The following TMEM271 variants were observed in gnomAD, a reference collection of about 807,000 sequenced individuals.
TMEM271 encodes the protein transmembrane protein 271.
At position 575,183 on chromosome 4, in the gene TMEM271, G is replaced by A. The variant is rs1040811695; in HGVS notation, c.880C>T (p.Arg294Trp). Residue 294 changes from arginine to tryptophan, a missense_variant, in exon 1 of 1, where the codon CGG becomes TGG. Arg to Trp is a moderately radical substitution (Grantham distance 101). Coordinates refer to ENST00000610212, the MANE Select transcript of TMEM271 (RefSeq NM_001362796.2). ...RGRRGRRLQQ[R>W]PSEASILSPE... ...GACAGGATGGAGGCCTCGCTCGGCC[G>A]CTGCTGCAGCCGCCGCCCCCGCCGG... 5 of 385,436 alleles carry A rather than the reference G, an allele frequency of 1.3e-5. No individual in the cohort carries two copies. The highest frequency in any genetic ancestry group is 8.4e-5 in the African/African-American group (4 of 47,632). The allele number at this position is 385,436 out of a possible 1,614,324, so 23.9% of individuals were successfully genotyped here. A position where few individuals can be genotyped will look rare whatever the true frequency, so the allele number is the denominator to read the frequency against.
chr4:575,528 G>T lies in TMEM271; in HGVS notation c.535C>A (p.Pro179Thr). 2 of 315,454 alleles carry T rather than the reference G, an allele frequency of 6.3e-6. No individual in the cohort carries two copies. The highest frequency in any genetic ancestry group is 5.1e-5 in the Admixed American group (1 of 19,626). 19.5% of individuals were successfully genotyped at this position (315,454 alleles called of 1,614,324 possible). Residue 179 changes from proline (P) to threonine (T), a missense_variant, in exon 1 of 1, where the codon CCG becomes ACG. Pro to Thr is a conservative substitution (Grantham distance 38). Transcript: ENST00000610212. ...SAPGSTPGSAPGSAPGSAPGS... is the reference protein window; with the variant it reads ...SAPGSTPGSATGSAPGSAPGS... The stretch of plus-strand genomic sequence containing the variant: ...GGCGCCGAGCCGGGGGCCGAGCCCG[G>T]GGCCGAGCCGGGGGTTGAGCCCGGG...
chr4:574,810 C>A lies in TMEM271; in HGVS notation c.*95G>T. ...CTGAGGCCTGGCCCTGGACCCCGCC[C>A]CGCTGCCCGTCCTCCCTTGCCGCGG... On this transcript the variant is annotated 3_prime_UTR_variant, in exon 1 of 1. Coordinates refer to ENST00000610212, the MANE Select transcript of TMEM271 (RefSeq NM_001362796.2). 1 of 393,104 alleles carries A rather than the reference C, an allele frequency of 2.5e-6. No homozygotes were observed. Among genetic ancestry groups the A allele is most frequent in the Non-Finnish European group, 4.5e-6 (1 of 222,730 alleles). The allele number at this position is 393,104 out of a possible 1,614,324, so 24.4% of individuals were successfully genotyped here.
chr4:575,463 C>A lies in TMEM271; in HGVS notation c.600G>T (p.Leu200=). 3.7e-6 allele frequency: 1 copy of A among 267,716 alleles called. No homozygotes were observed. The highest frequency in any genetic ancestry group is 6.2e-5 in the East Asian group (1 of 16,052). The allele number at this position is 267,716 out of a possible 1,614,324, so 16.6% of individuals were successfully genotyped here. A position where few individuals can be genotyped will look rare whatever the true frequency, so the allele number is the denominator to read the frequency against. Reference sequence around the variant, plus strand: ...GGCACTTGGCGGACGTGGCGCTGTCCAGGGTGCTGCGAGCGCGCGGGGCGC... The same window carrying A: ...GGCACTTGGCGGACGTGGCGCTGTCAAGGGTGCTGCGAGCGCGCGGGGCGC... ...APGAPRARST[L]DSATSAKCRQ... Residue 200 remains leucine (L), a synonymous_variant, in exon 1 of 1, where the codon CTG becomes CTT. Transcript: ENST00000610212.
chr4:576,095 GCCCGCCGCCGCCCGCCGCCGCC>G lies in TMEM271; in HGVS notation c.-55_-34del. On this transcript the variant is annotated 5_prime_UTR_variant, in exon 1 of 1. Coordinates refer to ENST00000610212, the MANE Select transcript of TMEM271 (RefSeq NM_001362796.2). ...GCCCGAGCCGGCCCGCACCCCGCGC[GCCCGCCGCCGCCCGCCGCCGCC>G]CCCGCCGCCTGCGCCTCCTCCCGGC... The G allele has an allele frequency of 6.3e-6, 1 of 157,488 alleles. No homozygotes were observed. Among genetic ancestry groups the G allele is most frequent in the Middle Eastern group, 2.9e-3 (1 of 346 alleles). 9.8% of individuals were successfully genotyped at this position (157,488 alleles called of 1,614,324 possible). A position where few individuals can be genotyped will look rare whatever the true frequency, so the allele number is the denominator to read the frequency against.
In TMEM271 at chr4:575,804, C is replaced by G; in HGVS notation, c.259G>C (p.Gly87Arg). Residue 87 changes from glycine to arginine, a missense_variant, in exon 1 of 1, where the codon GGT becomes CGT. By Grantham distance (125) the Gly-to-Arg change is moderately radical. Transcript: ENST00000610212. ...GCCGGCGCCGCGGGGACCCCCAAAC[C>G]CGGGCCCGGTTCCGACCCCGCGAGG... ...APLAGSEPGP[G>R]LGVPAAPAGA... The G allele has an allele frequency of 2.7e-6, 1 of 364,194 alleles. No homozygotes were observed. Among genetic ancestry groups the G allele is most frequent in the Non-Finnish European group, 4.9e-6 (1 of 204,152 alleles). 22.6% of individuals were successfully genotyped at this position (364,194 alleles called of 1,614,324 possible). A position where few individuals can be genotyped will look rare whatever the true frequency, so the allele number is the denominator to read the frequency against.
chr4:575,511 G>A lies in TMEM271; in HGVS notation c.552C>T (p.Gly184=), dbSNP rs1035033722. The change falls in exon 1 of 1, where the codon GGC becomes GGT. Residue 184 remains glycine, a synonymous_variant. Coordinates refer to ENST00000610212, the MANE Select transcript of TMEM271 (RefSeq NM_001362796.2). ...CGCCGGGGGCCGAGCCCGGCGCCGA[G>A]CCGGGGGCCGAGCCCGGGGCCGAGC... The part of the protein sequence containing the change: ...TPGSAPGSAP[G]SAPGSAPGAP... 2.1e-3 allele frequency: 646 copies of A among 302,308 alleles called. 2 individuals are homozygous for A. Among genetic ancestry groups the A allele is most frequent in the Non-Finnish European group, 3.1e-3 (506 of 164,954 alleles). 18.7% of individuals were successfully genotyped at this position (302,308 alleles called of 1,614,324 possible).
rs946821290 is a variant in TMEM271, at chr4:574,846, C to T, written c.*59G>A. The T allele has an allele frequency of 2.5e-6, 1 of 394,638 alleles. No homozygotes were observed. The highest frequency in any genetic ancestry group is 4.5e-6 in the Non-Finnish European group (1 of 223,454). The allele number at this position is 394,638 out of a possible 1,614,324, so 24.4% of individuals were successfully genotyped here. On this transcript the variant is annotated 3_prime_UTR_variant, in exon 1 of 1. Transcript: ENST00000610212. The stretch of plus-strand genomic sequence containing the variant: ...CCTCCCTTGCCGCGGGGGTCCTGAG[C>T]GGGGCGGGGTGGGTGGAACGCAAGC...
In TMEM271 at chr4:576,071, C is replaced by T; in HGVS notation, c.-9G>A. ...CGGACGCTCCACTTCATCCTCCGCG[C>T]CCGAGCCGGCCCGCACCCCGCGCGC... On this transcript the variant is annotated 5_prime_UTR_variant, in exon 1 of 1. Coordinates refer to ENST00000610212, the MANE Select transcript of TMEM271 (RefSeq NM_001362796.2). The T allele has an allele frequency of 3.6e-6, 1 of 280,220 alleles. No individual in the cohort carries two copies. The highest frequency in any genetic ancestry group is 5.6e-5 in the East Asian group (1 of 17,732). The allele number at this position is 280,220 out of a possible 1,614,324, so 17.4% of individuals were successfully genotyped here.
chr4:575,214 C>T lies in TMEM271; in HGVS notation c.849G>A (p.Arg283=), dbSNP rs1462546182. Residue 283 remains arginine, a synonymous_variant, in exon 1 of 1, where the codon CGG becomes CGA. Transcript: ENST00000610212. ...QPPASRARRG[R]RGRRGRRLQQ... ...GCAGCCGCCGCCCCCGCCGGCCCCG[C>T]CGGCCCCGGCGCGCCCGAGAGGCGG... 2 of 325,224 alleles carry T rather than the reference C, an allele frequency of 6.1e-6. No individual in the cohort carries two copies. Among genetic ancestry groups the T allele is most frequent in the Non-Finnish European group, 1.1e-5 (2 of 179,674 alleles). The allele number at this position is 325,224 out of a possible 1,614,324, so 20.1% of individuals were successfully genotyped here.
In TMEM271 at chr4:575,916, G is replaced by T. The variant is rs1457302210; in HGVS notation, c.147C>A (p.Ala49=). Residue 49 remains alanine, a synonymous_variant, in exon 1 of 1, where the codon GCC becomes GCA. Coordinates refer to ENST00000610212, the MANE Select transcript of TMEM271 (RefSeq NM_001362796.2). ...RGEPFRLGAA[A]GAFYSGLLLA... ...GCAGCAGCCCGGAGTAGAAGGCGCC[G>T]GCGGCGGCCCCCAGGCGGAACGGCT... The T allele has an allele frequency of 1.1e-5, 4 of 373,090 alleles. No homozygotes were observed. The highest frequency in any genetic ancestry group is 1.9e-5 in the Non-Finnish European group (4 of 209,796). The allele number at this position is 373,090 out of a possible 1,614,324, so 23.1% of individuals were successfully genotyped here. A position where few individuals can be genotyped will look rare whatever the true frequency, so the allele number is the denominator to read the frequency against.
chr4:574,740 G>A lies in TMEM271; in HGVS notation c.*165C>T. ...CCTGTGGTCACGGAGCCCGCAGAGG[G>A]GGCCAGGCCGGAGGCTGCAAAGCCA... On this transcript the variant is annotated 3_prime_UTR_variant, in exon 1 of 1. Transcript: ENST00000610212. 1 of 391,680 alleles carries A rather than the reference G, an allele frequency of 2.6e-6. No individual in the cohort carries two copies. The highest frequency in any genetic ancestry group is 2.1e-5 in the African/African-American group (1 of 48,450). 24.3% of individuals were successfully genotyped at this position (391,680 alleles called of 1,614,324 possible).
In TMEM271 at chr4:575,222, G is replaced by A. The variant is rs1310722520; in HGVS notation, c.841C>T (p.Arg281Trp). The A allele has an allele frequency of 1.4e-5, 4 of 287,682 alleles. No homozygotes were observed. Among genetic ancestry groups the A allele is most frequent in the Non-Finnish European group, 2.6e-5 (4 of 155,848 alleles). The allele number at this position is 287,682 out of a possible 1,614,324, so 17.8% of individuals were successfully genotyped here. ...CGCCCCCGCCGGCCCCGCCGGCCCC[G>A]GCGCGCCCGAGAGGCGGGCGGCTGC... is the stretch of plus-strand genomic sequence containing the variant. Reference protein sequence around the residue: ...RAQPPASRARRGRRGRRGRRL... With the variant: ...RAQPPASRARWGRRGRRGRRL... The change falls in exon 1 of 1, where the codon CGG becomes TGG. Residue 281 changes from arginine (R) to tryptophan (W), a missense_variant. Physicochemically the swap from Arg to Trp is moderately radical, Grantham distance 101. Transcript: ENST00000610212.
chr4:576,255 C>T lies in TMEM271; in HGVS notation c.-193G>A, dbSNP rs1338404654. The T allele has an allele frequency of 5.8e-4, 89 of 154,294 alleles. No individual in the cohort carries two copies. Among genetic ancestry groups the T allele is most frequent in the Non-Finnish European group, 9.7e-4 (70 of 72,272 alleles). 9.6% of individuals were successfully genotyped at this position (154,294 alleles called of 1,614,324 possible). On this transcript the variant is annotated 5_prime_UTR_variant, in exon 1 of 1. Transcript: ENST00000610212. ...CTCCCGCCGCCGCCGCCGCCGCCGC[C>T]GCCGCCGCGACCCCGCGCCGGGAAC... is the stretch of plus-strand genomic sequence containing the variant.
In TMEM271 at chr4:575,558, A is replaced by G. The variant is rs968994162; in HGVS notation, c.505T>C (p.Ser169Pro). The G allele has an allele frequency of 3.0e-6, 1 of 334,176 alleles. No homozygotes were observed. Among genetic ancestry groups the G allele is most frequent in the African/African-American group, 2.2e-5 (1 of 45,468 alleles). The allele number at this position is 334,176 out of a possible 1,614,324, so 20.7% of individuals were successfully genotyped here. The part of the protein sequence containing the change: ...PPRAPGSSPG[S>P]APGSTPGSAP... The stretch of plus-strand genomic sequence containing the variant: ...GAGCCGGGGGTTGAGCCCGGGGCCG[A>G]GCCGGGGCTCGAACCTGGCGCCCGC... The change falls in exon 1 of 1, where the codon TCG becomes CCG. Residue 169 changes from serine (S) to proline (P), a missense_variant. Transcript: ENST00000610212.
At position 574,219 on chromosome 4, in the gene TMEM271, C is replaced by T. The variant is rs1732390130; in HGVS notation, c.*686G>A. On this transcript the variant is annotated 3_prime_UTR_variant, in exon 1 of 1. Coordinates refer to ENST00000610212, the MANE Select transcript of TMEM271 (RefSeq NM_001362796.2). The stretch of plus-strand genomic sequence containing the variant: ...TGTTCAAACTCAACATTTGTCCGAC[C>T]AAATGAAACCATTTCCCCCCACACT... 6.6e-6 allele frequency: 1 copy of T among 152,198 alleles called. No homozygotes were observed. Among genetic ancestry groups the T allele is most frequent in the Non-Finnish European group, 1.5e-5 (1 of 68,038 alleles). The allele number at this position is 152,198 out of a possible 1,614,324, so 9.4% of individuals were successfully genotyped here.
chr4:575,888 CCAG>C lies in TMEM271; in HGVS notation c.172_174del (p.Leu58del). The C allele has an allele frequency of 2.7e-6, 1 of 372,094 alleles. No homozygotes were observed. The allele number at this position is 372,094 out of a possible 1,614,324, so 23.0% of individuals were successfully genotyped here. On this transcript the variant is annotated inframe_deletion, in exon 1 of 1. Transcript: ENST00000610212. ...GCGCCGAGCAGTGAGAGGCCGGCGG[CCAG>C]CAGCAGCCCGGAGTAGAAGGCGCCG...
Position 574,697 on chromosome 4 carries a change from T to G in TMEM271, c.*208A>C, listed in dbSNP as rs1435019800. 1.8e-5 allele frequency: 7 copies of G among 389,716 alleles called. No homozygotes were observed. Among genetic ancestry groups the G allele is most frequent in the Admixed American group, 4.5e-5 (1 of 22,400 alleles). The allele number at this position is 389,716 out of a possible 1,614,324, so 24.1% of individuals were successfully genotyped here. ...AGAAACCTCCCAGATACAGAAATGG[T>G]CACATCAGGGGCCCCCTCCTGTGGT... On this transcript the variant is annotated 3_prime_UTR_variant, in exon 1 of 1. Coordinates refer to ENST00000610212, the MANE Select transcript of TMEM271 (RefSeq NM_001362796.2).
Position 575,459 on chromosome 4 carries a change from T to C in TMEM271, c.604A>G (p.Ser202Gly). 3.8e-6 allele frequency: 1 copy of C among 262,240 alleles called. No individual in the cohort carries two copies. Among genetic ancestry groups the C allele is most frequent in the East Asian group, 6.4e-5 (1 of 15,516 alleles). 16.2% of individuals were successfully genotyped at this position (262,240 alleles called of 1,614,324 possible). A position where few individuals can be genotyped will look rare whatever the true frequency, so the allele number is the denominator to read the frequency against. The change falls in exon 1 of 1, where the codon AGC (serine) becomes GGC (glycine). Residue 202 changes from serine to glycine, a missense_variant. Physicochemically the swap from Ser to Gly is moderately conservative, Grantham distance 56 (BLOSUM62 0). Coordinates refer to ENST00000610212, the MANE Select transcript of TMEM271 (RefSeq NM_001362796.2). Reference sequence around the variant, plus strand: ...TGGCGGCACTTGGCGGACGTGGCGCTGTCCAGGGTGCTGCGAGCGCGCGGG... The same window carrying C: ...TGGCGGCACTTGGCGGACGTGGCGCCGTCCAGGGTGCTGCGAGCGCGCGGG... The part of the protein sequence containing the change: ...GAPRARSTLD[S>G]ATSAKCRQLK...
chr4:575,422 T>C lies in TMEM271; in HGVS notation c.641A>G (p.Tyr214Cys). The change falls in exon 1 of 1, where the codon TAC becomes TGC. Residue 214 changes from tyrosine to cysteine, a missense_variant. Physicochemically the swap from Tyr to Cys is radical, Grantham distance 194. Transcript: ENST00000610212. Reference protein sequence around the residue: ...TSAKCRQLKDYQRGLVLSTVF... With the variant: ...TSAKCRQLKDCQRGLVLSTVF... ...GGTGGAGAGCACCAGGCCGCGCTGG[T>C]AGTCCTTCAGCTGGCGGCACTTGGC... 2 of 277,990 alleles carry C rather than the reference T, an allele frequency of 7.2e-6. No individual in the cohort carries two copies. The highest frequency in any genetic ancestry group is 5.7e-5 in the East Asian group (1 of 17,602). The allele number at this position is 277,990 out of a possible 1,614,324, so 17.2% of individuals were successfully genotyped here. A position where few individuals can be genotyped will look rare whatever the true frequency, so the allele number is the denominator to read the frequency against.
Sources: gnomAD v4.1 joint callset for allele counts on GRCh38, gnomAD v4.1.1 for gene constraint, MANE v1.5 for transcripts, NCBI Gene and HGNC (gene_info 2026-07-23, HGNC 2026-07-21) for gene names.